ANKHD1: variants seen among roughly 807,000 people sequenced by gnomAD.
The protein encoded by ANKHD1 is ankyrin repeat and KH domain-containing protein 1.
Under a neutral mutation model 230.5 loss-of-function variants are expected in ANKHD1, and 31 were observed. The observed-to-expected ratio is 0.13, with a 90% confidence interval of 0.10 to 0.18. The LOEUF (loss-of-function observed/expected upper bound fraction) is 0.18. Ranked by LOEUF, ANKHD1 falls within the 10% of genes least tolerant of loss-of-function variation. The pLI, the probability that ANKHD1 is intolerant of heterozygous loss-of-function variation, is 1.00. For synonymous variants in ANKHD1, 1,074 were observed against 1,117.6 expected (o/e 0.96, Z 0.78); for missense variants, 2,256 against 3,071.3 (o/e 0.73, Z 6.27).
chr5:140,525,606 C>T (rs1753567143), intron 25 of ANKHD1, among the ~76,000 whole-genome samples: 2 of 152,140 alleles, frequency 1.3e-5, no homozygotes, highest in South Asian at 4.1e-4. Flanking sequence ...CGCAGTGGCT[C>T]ACACCTGTAA....
chr5:140,529,098 G>C lies in ANKHD1; in HGVS notation c.6152G>C (p.Cys2051Ser). The C allele has an allele frequency of 6.2e-7, 1 of 1,614,026 alleles. No individual in the cohort carries two copies. The highest frequency in any genetic ancestry group is 8.5e-7 in the Non-Finnish European group (1 of 1,180,036). ...LCTPSSTANS[C>S]SSSASNTPGA... The stretch of plus-strand genomic sequence containing the variant: ...ACCCCATCTTCAACTGCAAACAGTT[G>C]CAGTAGCTCTGCCAGCAACACCCCG... Residue 2051 changes from cysteine (C) to serine (S), a missense_variant, in exon 29 of 34, where the codon TGC (cysteine) becomes TCC (serine). This residue lies in a region of ANKHD1 where 778 missense variants were observed against 966.5 expected (regional missense o/e 0.80). Transcript: ENST00000360839.
At chr5:140,433,961 T>G (rs1190816511) in intron 1 of ANKHD1, among the ~76,000 whole-genome samples, 3 of 152,220 alleles carry the variant, frequency 2.0e-5, no homozygotes, top group African/African-American at 7.2e-5. Context: ...TTGCCTGCAT[T>G]TATCTATTGG....
intron 5 of ANKHD1, among the ~76,000 whole-genome samples, chr5:140,442,469 A>G (rs1009174476): frequency 1.3e-5 from 2 of 152,118 alleles, no homozygotes; most frequent in Non-Finnish European, 2.9e-5. Flanking sequence ...CACCTCAGAT[A>G]GTCAGTTGTC....
chr5:140,420,125 C>G (rs1389575778), intron 1 of ANKHD1, among the ~76,000 whole-genome samples: 2 of 150,262 alleles, frequency 1.3e-5, no homozygotes, highest in Non-Finnish European at 3.0e-5. Flanking sequence ...TCCCAAGTAG[C>G]TGGACTACAG....
At chr5:140,449,338 T>C in intron 7 of ANKHD1, 33 bp downstream of exon 7, 1 of 1,604,088 alleles carries the variant, frequency 6.2e-7, no homozygotes, top group Non-Finnish European at 8.5e-7. Flanking sequence ...TGAGATTTTA[T>C]GGGAAGAAAA....
intron 10 of ANKHD1, among the ~76,000 whole-genome samples, chr5:140,478,959 T>TGG (rs1751114722): frequency 6.7e-6 from 1 of 148,996 alleles, no homozygotes; most frequent in African/African-American, 2.5e-5. Flanking sequence ...ATAGATACTT[T>TGG]CTTTCTTTAT....
At chr5:140,419,564 A>G (rs1303043586) in intron 1 of ANKHD1, among the ~76,000 whole-genome samples, 1 of 148,794 alleles carries the variant, frequency 6.7e-6, no homozygotes, top group Non-Finnish European at 1.5e-5. Context: ...GGTTCAAGTG[A>G]TCCTCCAACC....
In ANKHD1 at chr5:140,529,411, T is replaced by A; in HGVS notation, c.6465T>A (p.Asp2155Glu). 6.2e-7 allele frequency: 1 copy of A among 1,614,196 alleles called. No homozygotes were observed. Reference sequence around the variant, plus strand: ...TACCAAATGCAACTATTCACCAGGATCCCCAGTCTATTTTTGTTACGAATC... The same window carrying A: ...TACCAAATGCAACTATTCACCAGGAACCCCAGTCTATTTTTGTTACGAATC... The part of the protein sequence containing the change: ...SMVPNATIHQ[D>E]PQSIFVTNPV... The change falls in exon 29 of 34, where the codon GAT becomes GAA. Residue 2155 changes from aspartate (D) to glutamate (E), a missense_variant. Coordinates refer to ENST00000360839, the MANE Select transcript of ANKHD1 (RefSeq NM_017747.3).
chr5:140,458,981 CATATATATATATATGCAT>C (rs1775468836), intron 8 of ANKHD1, 119 bp downstream of exon 8: 136 of 22,936 alleles, frequency 5.9e-3, no homozygotes, highest in African/African-American at 0.013. Flanking sequence ...TATATATATG[CATATATATATATATGCAT>C]ATATATATAT....
intron 3 of ANKHD1, 26 bp downstream of exon 3, chr5:140,438,643 T>G (rs193127535): frequency 1.3e-6 from 2 of 1,524,328 alleles, no homozygotes; most frequent in East Asian, 2.3e-5. Flanking sequence ...CTTTTGGATA[T>G]TAGACATTTT....
intron 1 of ANKHD1, among the ~76,000 whole-genome samples, chr5:140,416,363 G>C (rs537295560): frequency 6.6e-6 from 1 of 152,176 alleles, no homozygotes; most frequent in Non-Finnish European, 1.5e-5. Context: ...GAATCGCCAA[G>C]TTAATTTTTG....
chr5:140,537,794 T>G (rs1754147840), intron 31 of ANKHD1: 2 of 934,222 alleles, frequency 2.1e-6, no homozygotes, highest in East Asian at 5.8e-5. Context: ...ATAGAGTTAA[T>G]CAGAAACAAA....
chr5:140,432,019 C>T (rs987602132), intron 1 of ANKHD1, among the ~76,000 whole-genome samples: 3 of 152,124 alleles, frequency 2.0e-5, no homozygotes, highest in African/African-American at 7.2e-5. Flanking sequence ...CTACTCAAAT[C>T]TATTCCCAGT....
At chr5:140,522,223 C>T (rs1363340392) in intron 24 of ANKHD1, among the ~76,000 whole-genome samples, 1 of 152,214 alleles carries the variant, frequency 6.6e-6, no homozygotes, top group Non-Finnish European at 1.5e-5. Context: ...AATATTTGGT[C>T]TTTTGTGACT....
intron 9 of ANKHD1, 129 bp from the exon 10 acceptor site, chr5:140,464,538 C>T (rs1775953087): frequency 1.4e-6 from 1 of 718,888 alleles, no homozygotes; most frequent in South Asian, 3.7e-5. Flanking sequence ...TAAAGGAAAA[C>T]TAGTATACTT....
chr5:140,535,670 C>A, intron 30 of ANKHD1, 132 bp downstream of exon 30: 1 of 1,225,398 alleles, frequency 8.2e-7, no homozygotes, highest in Non-Finnish European at 1.0e-6. Flanking sequence ...GTTCTGTGGT[C>A]ATGTGAAAAA....
chr5:140,412,599 T>C (rs1771030027), intron 1 of ANKHD1, among the ~76,000 whole-genome samples: 1 of 152,236 alleles, frequency 6.6e-6, no homozygotes, highest in African/African-American at 2.4e-5. Flanking sequence ...TCATTATTCA[T>C]TTAAAAAGGA....
intron 29 of ANKHD1, among the ~76,000 whole-genome samples, chr5:140,530,781 A>G (rs891839866): frequency 2.0e-5 from 3 of 152,212 alleles, no homozygotes; most frequent in African/African-American, 7.2e-5. Flanking sequence ...ATATGGCACT[A>G]TTGCCTCTTA....
Position 140,485,773 on chromosome 5 carries a change from T to G in ANKHD1, c.2142+41T>G. On this transcript the variant is annotated intron_variant, in intron 13 of 33. Transcript: ENST00000360839. This position sits in a 1 kb window ranked among gnomAD's most constrained non-coding sequence, Gnocchi z 4.8. ...GCTTGTTTGTTAATATAAATATTCT[T>G]CAACATGATTAGAAGTTTTTGTTTA... 3 of 1,602,060 alleles carry G rather than the reference T, an allele frequency of 1.9e-6. No individual in the cohort carries two copies. The highest frequency in any genetic ancestry group is 2.5e-6 in the Non-Finnish European group (3 of 1,177,392).
Sources: allele counts gnomAD v4.1 joint callset (sites outside exome capture counted in the v4.1 genomes callset), GRCh38; gene constraint gnomAD v4.1.1; regional missense constraint gnomAD v4.1.1; non-coding constraint Gnocchi (gnomAD v3.1); transcripts MANE v1.5; gene names NCBI Gene and HGNC (gene_info 2026-07-23, HGNC 2026-07-21).